PCSK5: variants seen among roughly 807,000 people sequenced by gnomAD.
PCSK5 encodes proprotein convertase subtilisin/kexin type 5, also known as prohormone convertase 5.
A neutral mutation model predicts 233.2 loss-of-function variants in PCSK5; 129 were observed. The observed-to-expected ratio is 0.55, with a 90% CI of 0.48 to 0.64. The LOEUF (loss-of-function observed/expected upper bound fraction) is 0.64. PCSK5 is among the 30% of genes least tolerant of loss of function. The pLI, the probability that PCSK5 is intolerant of heterozygous loss-of-function variation, is 0.00. For synonymous variants in PCSK5, 825 were observed against 879.2 expected, an observed-to-expected ratio of 0.94 and a Z score of 1.09; for missense variants, 2,076 against 2,430.1, an observed-to-expected ratio of 0.85 and a Z score of 3.06.
At chr9:76,031,667 C>A (rs530688859) in intron 5 of PCSK5, among the ~76,000 whole-genome samples, 1 of 151,826 alleles carries the variant, frequency 6.6e-6, no homozygotes. Flanking sequence ...CCAGCCTGGG[C>A]GAAAGAGCGA....
chr9:76,164,406 G>T (rs963126924), intron 12 of PCSK5, among the ~76,000 whole-genome samples: 1 of 152,096 alleles, frequency 6.6e-6, no homozygotes, highest in African/African-American at 2.4e-5. Context: ...TACCTCACAG[G>T]GTTGGTTGGT....
intron 8 of PCSK5, among the ~76,000 whole-genome samples, chr9:76,101,147 A>G (rs1056748867): frequency 6.6e-6 from 1 of 152,142 alleles, no homozygotes; most frequent in Admixed American, 6.5e-5. Flanking sequence ...TCGCACTACA[A>G]TGGAAACTAC....
intron 24 of PCSK5, among the ~76,000 whole-genome samples, chr9:76,241,431 G>T (rs940823222): frequency 1.3e-5 from 2 of 152,204 alleles, no homozygotes; most frequent in African/African-American, 4.8e-5. Flanking sequence ...GACAGAGCCA[G>T]ACTCCATCTT....
intron 20 of PCSK5, among the ~76,000 whole-genome samples, chr9:76,202,643 C>T (rs939311124): frequency 6.6e-6 from 1 of 152,004 alleles, no homozygotes; most frequent in Non-Finnish European, 1.5e-5. Flanking sequence ...CACATCACTC[C>T]CCCTCCTTTA....
chr9:76,142,069 C>A (rs6560504), intron 10 of PCSK5, among the ~76,000 whole-genome samples: 31,614 of 151,808 alleles, frequency 0.21, 3,525 homozygotes, highest in East Asian at 0.31. Context: ...CTGTACAACA[C>A]AGCCCCATGA....
chr9:75,891,531 G>GCACGCA (rs1554701319), intron 1 of PCSK5, among the ~76,000 whole-genome samples, 158 bp downstream of exon 1: 1 of 148,686 alleles, frequency 6.7e-6, no homozygotes, highest in African/African-American at 2.5e-5. Context: ...GCGCGCGTAC[G>GCACGCA]CACACACACA....
At chr9:75,930,208 A>T (rs1434567616) in intron 1 of PCSK5, among the ~76,000 whole-genome samples, 1 of 152,068 alleles carries the variant, frequency 6.6e-6, no homozygotes, top group African/African-American at 2.4e-5. Context: ...TATGGGGGGA[A>T]CCCACCCCAT....
intron 35 of PCSK5, among the ~76,000 whole-genome samples, chr9:76,338,711 A>G (rs1829750835): frequency 1.3e-5 from 2 of 152,088 alleles, no homozygotes; most frequent in South Asian, 2.1e-4. Context: ...TCGTTCACTC[A>G]TCATTTTCCT....
At chr9:76,115,050 A>G (rs1832369763) in intron 9 of PCSK5, among the ~76,000 whole-genome samples, 1 of 152,126 alleles carries the variant, frequency 6.6e-6, no homozygotes, top group Non-Finnish European at 1.5e-5. Flanking sequence ...TGCCTTTGGG[A>G]AAAGCAAAAA....
intron 29 of PCSK5, among the ~76,000 whole-genome samples, chr9:76,309,729 G>A (rs761776941): frequency 7.3e-5 from 11 of 151,154 alleles, no homozygotes; most frequent in Non-Finnish European, 1.0e-4. Context: ...TAAAGTCCAC[G>A]TTGGAATGTA....
intron 3 of PCSK5, among the ~76,000 whole-genome samples, chr9:76,022,738 T>TAA (rs1477840436): frequency 6.6e-6 from 1 of 152,210 alleles, no homozygotes; most frequent in Admixed American, 6.5e-5. Flanking sequence ...TTACTATATA[T>TAA]AATGAGCTCA....
chr9:76,163,344 TGAA>T (rs1822950954), intron 12 of PCSK5, among the ~76,000 whole-genome samples: 1 of 152,184 alleles, frequency 6.6e-6, no homozygotes, highest in South Asian at 2.1e-4. Flanking sequence ...TGAACTCCTG[TGAA>T]GAACAGCTGT....
At chr9:75,968,349 G>A (rs58107632) in intron 2 of PCSK5, among the ~76,000 whole-genome samples, 3 of 152,116 alleles carry the variant, frequency 2.0e-5, no homozygotes, top group Non-Finnish European at 4.4e-5. Flanking sequence ...TATATCGCTC[G>A]CGCGTTAACA....
chr9:76,066,144 G>A (rs1220443165), intron 5 of PCSK5, among the ~76,000 whole-genome samples: 1 of 152,036 alleles, frequency 6.6e-6, no homozygotes, highest in African/African-American at 2.4e-5. Flanking sequence ...ATGAATTTTA[G>A]GACTTTTTTT....
At chr9:76,051,659 G>A (rs1829635166) in intron 5 of PCSK5, among the ~76,000 whole-genome samples, 1 of 151,700 alleles carries the variant, frequency 6.6e-6, no homozygotes, top group African/African-American at 2.4e-5. Context: ...GGAAGATTTT[G>A]ATCCTCCAGA....
intron 2 of PCSK5, among the ~76,000 whole-genome samples, chr9:75,985,022 AT>A (rs934356737): frequency 5.3e-5 from 8 of 152,120 alleles, no homozygotes; most frequent in Non-Finnish European, 1.0e-4. Flanking sequence ...CTCCCCACTC[AT>A]TTTTTAATTC....
intron 3 of PCSK5, among the ~76,000 whole-genome samples, chr9:76,001,989 G>C (rs1311185175): frequency 6.6e-6 from 1 of 152,062 alleles, no homozygotes; most frequent in African/African-American, 2.4e-5. Flanking sequence ...GCTCAATAAA[G>C]GCATTAATTT....
At chr9:75,945,103 C>T (rs190832947) in intron 2 of PCSK5, among the ~76,000 whole-genome samples, 295 of 151,092 alleles carry the variant, frequency 2.0e-3, no homozygotes, top group Middle Eastern at 6.8e-3. Flanking sequence ...GAGCGAAATT[C>T]CATCTCAAAA....
chr9:75,906,902 T>C (rs923926687), intron 1 of PCSK5, among the ~76,000 whole-genome samples: 5 of 152,212 alleles, frequency 3.3e-5, no homozygotes, highest in Non-Finnish European at 5.9e-5. Context: ...CGCTCAATGC[T>C]TTCCTGTTGC....
Sources: gnomAD v4.1 joint callset for allele counts (sites outside exome capture counted in the v4.1 genomes callset) on GRCh38, gnomAD v4.1.1 for gene constraint, MANE v1.5 for transcripts, NCBI Gene and HGNC (gene_info 2026-07-23, HGNC 2026-07-21) for gene names.